Variants in EYA1 observed in about 807,000 individuals in gnomAD.
EYA1 encodes protein phosphatase EYA1.
Under a neutral mutation model 82.0 loss-of-function variants are expected in EYA1, and 16 were observed. The ratio of observed to expected loss-of-function variants is 0.20; its 90% CI spans 0.13 to 0.30. The LOEUF (loss-of-function observed/expected upper bound fraction) is 0.30, where lower values mean the gene tolerates loss of function less well. Among genes scored for constraint, EYA1 ranks in the 10% least tolerant of loss-of-function variants. The probability of loss-of-function intolerance (pLI) is 1.00; values close to 1 mark genes in which losing one functional copy is unlikely to be tolerated. For synonymous variants in EYA1, 261 were observed against 264.4 expected (o/e 0.99, Z 0.12); for missense variants, 633 against 730.7 (o/e 0.87, Z 1.54).
chr8:71,383,368 G>A (rs187229839), intron 2 of EYA1, among the ~76,000 whole-genome samples: 110 of 152,106 alleles, frequency 7.2e-4, no homozygotes, highest in Non-Finnish European at 1.3e-3. Flanking sequence ...GAGTGCAAAG[G>A]AAAATACACA....
chr8:71,220,380 T>C (rs1384155433), intron 12 of EYA1, among the ~76,000 whole-genome samples: 1 of 152,140 alleles, frequency 6.6e-6, no homozygotes, highest in Non-Finnish European at 1.5e-5. Context: ...TGCGCTAATC[T>C]GTAGTGGAAG....
At position 71,321,587 on chromosome 8, in the gene EYA1, T is replaced by C. The variant is rs1032432903; in HGVS notation, c.418+147A>G. 4 of 1,082,820 alleles carry C rather than the reference T, an allele frequency of 3.7e-6. No individual in the cohort carries two copies. The African/African-American group carries it at 4.8e-5, about 13-fold the overall frequency. The allele number at this position is 1,082,820 out of a possible 1,614,324, so 67.1% of individuals were successfully genotyped here. ...AGCTACCAGTTCTTATAATGCTCTTTAGAAACAATCATACTAAGAATTTAG... is the reference window on the plus strand; with the variant it reads ...AGCTACCAGTTCTTATAATGCTCTTCAGAAACAATCATACTAAGAATTTAG... On this transcript the variant is annotated intron_variant, in intron 6 of 17. Transcript: ENST00000340726.
chr8:71,293,787 T>C (rs868038036), intron 9 of EYA1, among the ~76,000 whole-genome samples: 8 of 130,660 alleles, frequency 6.1e-5, no homozygotes, highest in Admixed American at 1.6e-4. Context: ...GAGAGCTTCC[T>C]AAAGCTGACA....
chr8:71,200,874 T>C (rs568771749), intron 17 of EYA1, among the ~76,000 whole-genome samples: 3 of 151,672 alleles, frequency 2.0e-5, no homozygotes, highest in African/African-American at 7.3e-5. Context: ...TTATGAAGGA[T>C]TAACATTCAG....
intron 14 of EYA1, among the ~76,000 whole-genome samples, chr8:71,216,069 T>C (rs1585814546): frequency 6.6e-6 from 1 of 152,148 alleles, no homozygotes; most frequent in Non-Finnish European, 1.5e-5. Context: ...ATAGATTCCC[T>C]CCCCTCATGG....
At chr8:71,408,039 C>A (rs1442016788) in intron 2 of EYA1, among the ~76,000 whole-genome samples, 1 of 151,708 alleles carries the variant, frequency 6.6e-6, no homozygotes, top group Non-Finnish European at 1.5e-5. Flanking sequence ...AGAAACCCTA[C>A]AAGCCAGAAG....
intron 9 of EYA1, among the ~76,000 whole-genome samples, chr8:71,277,200 A>G (rs958268191): frequency 3.6e-5 from 5 of 140,434 alleles, no homozygotes; most frequent in Non-Finnish European, 7.5e-5. Context: ...GTGTAGTGGT[A>G]CAACCATAGC....
intron 2 of EYA1, among the ~76,000 whole-genome samples, chr8:71,379,165 C>T (rs993018907): frequency 3.3e-5 from 5 of 152,060 alleles, no homozygotes; most frequent in African/African-American, 1.2e-4. Flanking sequence ...AAATGGATCA[C>T]TCGAGCCTCG....
chr8:71,507,464 C>T (rs553019626), intron 2 of EYA1, among the ~76,000 whole-genome samples: 5 of 152,274 alleles, frequency 3.3e-5, no homozygotes, highest in South Asian at 2.1e-4. Flanking sequence ...TCTAACACTT[C>T]GCTGGTGACA....
chr8:71,356,321 G>GCA (rs1252641687), intron 2 of EYA1, 141 bp downstream of exon 2: 7 of 652,544 alleles, frequency 1.1e-5, no homozygotes, highest in East Asian at 2.8e-5. Context: ...TGTTTTACAA[G>GCA]CACACACACA....
At chr8:71,450,074 C>T (rs758210762) in intron 2 of EYA1, among the ~76,000 whole-genome samples, 4 of 152,178 alleles carry the variant, frequency 2.6e-5, no homozygotes, top group Non-Finnish European at 5.9e-5. Flanking sequence ...GTTTGATTTT[C>T]TACCCAGACC....
chr8:71,405,655 T>A (rs1830179425), intron 2 of EYA1, among the ~76,000 whole-genome samples: 1 of 152,198 alleles, frequency 6.6e-6, no homozygotes, highest in Non-Finnish European at 1.5e-5. Context: ...TCTCTTTCCA[T>A]CTTTTACAAG....
chr8:71,233,496 A>G lies in EYA1; in HGVS notation c.1140+11107T>C, dbSNP rs374075041. On this transcript the variant is annotated intron_variant, in intron 12 of 17. Coordinates refer to ENST00000340726, the MANE Select transcript of EYA1 (RefSeq NM_000503.6). Reference sequence around the variant, plus strand: ...GGAGAATGGCATGAACCTGGGAGGCAGAGCTTGCAGTGAGCCGAGATTGTG... The same window carrying G: ...GGAGAATGGCATGAACCTGGGAGGCGGAGCTTGCAGTGAGCCGAGATTGTG... Among the ~76,000 whole-genome samples the G allele has an allele frequency of 1.1e-3, 167 of 151,606 alleles. 1 individual carries two copies. The East Asian group carries it at 0.017, about 16-fold the overall frequency.
At chr8:71,394,505 C>T (rs1034979008) in intron 2 of EYA1, among the ~76,000 whole-genome samples, 6 of 152,152 alleles carry the variant, frequency 3.9e-5, no homozygotes, top group Non-Finnish European at 7.3e-5. Flanking sequence ...CAGCTTTCTA[C>T]ATAGGGCTAG....
At chr8:71,545,630 C>T (rs1486633106) in intron 1 of EYA1, among the ~76,000 whole-genome samples, 3 of 140,408 alleles carry the variant, frequency 2.1e-5, no homozygotes, top group Admixed American at 7.6e-5. Context: ...GGGGCGATCT[C>T]GGCTCACTGC....
At chr8:71,465,732 G>A (rs557590495) in intron 2 of EYA1, among the ~76,000 whole-genome samples, 3 of 152,180 alleles carry the variant, frequency 2.0e-5, no homozygotes, top group Non-Finnish European at 4.4e-5. Flanking sequence ...ACTATGGTTT[G>A]AATGTGTCCC....
At chr8:71,426,969 C>A (rs949111888) in intron 2 of EYA1, among the ~76,000 whole-genome samples, 5 of 152,088 alleles carry the variant, frequency 3.3e-5, no homozygotes, top group African/African-American at 9.7e-5. Flanking sequence ...AAATTTGAAG[C>A]CATGACCCAA....
intron 2 of EYA1, among the ~76,000 whole-genome samples, chr8:71,380,195 C>G (rs187929259): frequency 2.1e-3 from 317 of 152,212 alleles, no homozygotes; most frequent in African/African-American, 7.3e-3. Flanking sequence ...TTTTGTGGAA[C>G]ATGTGATCTA....
intron 2 of EYA1, among the ~76,000 whole-genome samples, chr8:71,417,945 C>T (rs762825026): frequency 6.6e-6 from 1 of 152,210 alleles, no homozygotes; most frequent in Non-Finnish European, 1.5e-5. Flanking sequence ...TCCTGAATGC[C>T]TCTGTCCATT....
Sources: allele counts gnomAD v4.1 joint callset (sites outside exome capture counted in the v4.1 genomes callset), GRCh38; gene constraint gnomAD v4.1.1; transcripts MANE v1.5; gene names NCBI Gene and HGNC (gene_info 2026-07-23, HGNC 2026-07-21).